The following FNIP2 variants were observed in gnomAD, a reference collection of about 807,000 sequenced individuals.
FNIP2 encodes folliculin interacting protein 2.
In FNIP2, 32 loss-of-function variants were observed where a neutral mutation model predicts 108.7. That is an observed-to-expected ratio of 0.29 (90% CI 0.22 to 0.40). FNIP2 has a LOEUF of 0.40. Among genes scored for constraint, FNIP2 ranks in the 10% least tolerant of loss-of-function variants. The pLI is 1.00. For missense variants in FNIP2, 1,202 were observed against 1,381.6 expected (o/e 0.87, Z 2.06); for synonymous variants, 480 against 496.7 (o/e 0.97, Z 0.45).
chr4:158,779,681 C>T (rs72695426), intron 1 of FNIP2, among the ~76,000 whole-genome samples: 6,746 of 150,664 alleles, frequency 0.045, 221 homozygotes, highest in Non-Finnish European at 0.067. Context: ...GTGACCCTCC[C>T]ACCTCAGCCT....
In FNIP2 at chr4:158,868,718, G is replaced by A. The variant is rs1436989375; in HGVS notation, c.2082G>A (p.Leu694=). 4 of 1,613,898 alleles carry A rather than the reference G, an allele frequency of 2.5e-6. No homozygotes were observed. Among genetic ancestry groups the A allele is most frequent in the Non-Finnish European group, 3.4e-6 (4 of 1,179,904 alleles). The part of the protein sequence containing the change: ...ELLKVEMPTR[L]PDRSVAWPCP... Reference sequence around the variant, plus strand: ...TGAAAGTGGAGATGCCTACAAGACTGCCAGACCGGTCAGTGGCCTGGCCTT... The same window carrying A: ...TGAAAGTGGAGATGCCTACAAGACTACCAGACCGGTCAGTGGCCTGGCCTT... The change falls in exon 13 of 17, where the codon CTG becomes CTA. Residue 694 remains leucine (L), a synonymous_variant. Coordinates refer to ENST00000264433, the MANE Select transcript of FNIP2 (RefSeq NM_020840.3). This position sits in a 1 kb window ranked among gnomAD's most constrained non-coding sequence, Gnocchi z 4.6.
At chr4:158,858,941 CAG>C (rs774805553) in intron 8 of FNIP2, 114 bp from the exon 9 acceptor site, 13 of 780,604 alleles carry the variant, frequency 1.7e-5, no homozygotes, top group Non-Finnish European at 2.7e-5. Flanking sequence ...GAACTAAAGG[CAG>C]AGATACTCTT....
intron 10 of FNIP2, among the ~76,000 whole-genome samples, chr4:158,860,296 G>A (rs1262437775): frequency 1.3e-5 from 2 of 152,054 alleles, no homozygotes; most frequent in Non-Finnish European, 2.9e-5. Flanking sequence ...GAGTCAAACT[G>A]TTATTCCATA....
At chr4:158,815,811 C>G (rs1274366717) in intron 1 of FNIP2, among the ~76,000 whole-genome samples, 5 of 152,112 alleles carry the variant, frequency 3.3e-5, no homozygotes, top group African/African-American at 1.2e-4. Flanking sequence ...TTTCTATACA[C>G]AATATTTTAT....
At chr4:158,855,123 T>C (rs6833533) in intron 8 of FNIP2, among the ~76,000 whole-genome samples, 26,840 of 152,110 alleles carry the variant, frequency 0.18, 2,652 homozygotes, top group South Asian at 0.26. Context: ...TTTGAGCCCC[T>C]GTCCTTCAGT....
intron 1 of FNIP2, among the ~76,000 whole-genome samples, chr4:158,789,582 G>T (rs1005836942): frequency 6.6e-5 from 10 of 152,148 alleles, no homozygotes; most frequent in African/African-American, 2.4e-4. Context: ...AGCATCTGTT[G>T]ACATTTTCCA....
chr4:158,869,567 TATTA>T, intron 13 of FNIP2, 139 bp downstream of exon 13: 1 of 1,233,016 alleles, frequency 8.1e-7, no homozygotes, highest in Non-Finnish European at 1.1e-6. Context: ...CTAGAAGTAT[TATTA>T]ATTCTATACA....
intron 12 of FNIP2, among the ~76,000 whole-genome samples, chr4:158,864,701 A>G (rs1163240999): frequency 6.6e-6 from 1 of 151,452 alleles, no homozygotes; most frequent in Non-Finnish European, 1.5e-5. Flanking sequence ...CTAGTTTCCA[A>G]CTTTTCACTA....
Position 158,825,918 on chromosome 4 carries a change from G to A in FNIP2, c.110G>A (p.Trp37Ter). The change falls in exon 2 of 17, where the codon TGG becomes TAG. Residue 37 changes from tryptophan to a stop codon, truncating the protein, a stop_gained and splice_region_variant. Transcript: ENST00000264433. LOFTEE classifies it high-confidence loss of function. ...RAPKEGPAFSWSCSEFDLNEI... is the reference protein window; with the variant it reads ...RAPKEGPAFS ...CTTTTGCCCTTTTTAATCCACAGTT[G>A]GTCATGTTCGGAGTTTGACCTGAAT... 6.2e-7 allele frequency: 1 copy of A among 1,605,346 alleles called. No homozygotes were observed. Among genetic ancestry groups the A allele is most frequent in the Non-Finnish European group, 8.5e-7 (1 of 1,173,158 alleles).
At chr4:158,837,877 G>T (rs1462811715) in intron 7 of FNIP2, among the ~76,000 whole-genome samples, 1 of 152,148 alleles carries the variant, frequency 6.6e-6, no homozygotes, top group Non-Finnish European at 1.5e-5. Context: ...GGTGGAGGGG[G>T]CTGCAAATGG....
At chr4:158,843,171 G>A (rs1779219206) in intron 7 of FNIP2, among the ~76,000 whole-genome samples, 1 of 152,104 alleles carries the variant, frequency 6.6e-6, no homozygotes, top group Admixed American at 6.6e-5. Flanking sequence ...TATAAAAAGT[G>A]CTCAGATTCA....
intron 12 of FNIP2, among the ~76,000 whole-genome samples, chr4:158,863,619 CA>C (rs1780413718): frequency 1.3e-5 from 2 of 152,136 alleles, no homozygotes; most frequent in Non-Finnish European, 2.9e-5. Context: ...GCTGCAGAAG[CA>C]ATTTAGTGGG....
Position 158,793,631 on chromosome 4 carries a change from T to A in FNIP2, c.107+24312T>A, listed in dbSNP as rs559399211. Among the ~76,000 whole-genome samples, 12 of 152,376 alleles carry A rather than the reference T, an allele frequency of 7.9e-5. No homozygotes were observed. The East Asian group carries it at 2.3e-3, about 29-fold the overall frequency. ...CCTTATCATGTGATTTTTGTTATTATGACATTTAAGATTGGCGAATGAGCA... is the reference window on the plus strand; with the variant it reads ...CCTTATCATGTGATTTTTGTTATTAAGACATTTAAGATTGGCGAATGAGCA... On this transcript the variant is annotated intron_variant, in intron 1 of 16. Coordinates refer to ENST00000264433, the MANE Select transcript of FNIP2 (RefSeq NM_020840.3).
At position 158,769,168 on chromosome 4, in the gene FNIP2, C is replaced by T; in HGVS notation, c.-45C>T. On this transcript the variant is annotated 5_prime_UTR_variant, in exon 1 of 17. Coordinates refer to ENST00000264433, the MANE Select transcript of FNIP2 (RefSeq NM_020840.3). Reference sequence around the variant, plus strand: ...CGCCGCCCCCGGCTGCGCGCTGAGCCGCCGGCCCCCCGAGCGCCACGGCCG... The same window carrying T: ...CGCCGCCCCCGGCTGCGCGCTGAGCTGCCGGCCCCCCGAGCGCCACGGCCG... 2.8e-6 allele frequency: 3 copies of T among 1,076,552 alleles called. No individual in the cohort carries two copies. The highest frequency in any genetic ancestry group is 7.2e-5 in the East Asian group (1 of 13,892). 66.7% of individuals were successfully genotyped at this position (1,076,552 alleles called of 1,614,324 possible).
intron 12 of FNIP2, among the ~76,000 whole-genome samples, chr4:158,863,075 G>A (rs1277335834): frequency 6.6e-6 from 1 of 152,146 alleles, no homozygotes; most frequent in Non-Finnish European, 1.5e-5. Context: ...ATGTATTGTT[G>A]AAAGTCTTCA....
chr4:158,832,165 C>T (rs762199565), intron 5 of FNIP2, 27 bp downstream of exon 5: 3 of 1,568,982 alleles, frequency 1.9e-6, no homozygotes, highest in East Asian at 2.2e-5. Context: ...GCATTCCCCA[C>T]CCCCATTTTT....
chr4:158,895,890 T>G, intron 16 of FNIP2, 25 bp downstream of exon 16: 2 of 1,516,214 alleles, frequency 1.3e-6, no homozygotes, highest in Non-Finnish European at 1.8e-6. Flanking sequence ...GTGCCGTCAC[T>G]TGTCCCTTTG....
At chr4:158,860,623 C>G (rs1463149043) in intron 10 of FNIP2, among the ~76,000 whole-genome samples, 1 of 150,174 alleles carries the variant, frequency 6.7e-6, no homozygotes, top group Non-Finnish European at 1.5e-5. Flanking sequence ...ACTGGACGCT[C>G]ACTGGCTTGC....
intron 1 of FNIP2, among the ~76,000 whole-genome samples, chr4:158,779,283 TAAATA>T (rs1775956747): frequency 1.3e-5 from 2 of 152,206 alleles, no homozygotes; most frequent in South Asian, 4.1e-4. Context: ...ATTATAATGT[TAAATA>T]AAAGGATCTT....
Sources: gnomAD v4.1 joint callset for allele counts (sites outside exome capture counted in the v4.1 genomes callset) on GRCh38, gnomAD v4.1.1 for gene constraint, Gnocchi (gnomAD v3.1) non-coding constraint, MANE v1.5 for transcripts, NCBI Gene and HGNC (gene_info 2026-07-23, HGNC 2026-07-21) for gene names.